TMEM71: variants seen among roughly 807,000 people sequenced by gnomAD.
TMEM71 encodes transmembrane protein 71.
In TMEM71, 44 loss-of-function variants were observed where a neutral mutation model predicts 38.0. The observed-to-expected ratio is 1.16, with a 90% confidence interval of 0.91 to 1.49. The LOEUF (loss-of-function observed/expected upper bound fraction) is 1.49. TMEM71 is among the 40% of genes most tolerant of loss of function. The probability of loss-of-function intolerance (pLI) is 0.00; values close to 1 mark genes in which losing one functional copy is unlikely to be tolerated. For missense variants in TMEM71, 367 were observed against 348.6 expected, an observed-to-expected ratio of 1.05 and a Z score of -0.42; for synonymous variants, 133 against 122.5, an observed-to-expected ratio of 1.09 and a Z score of -0.56.
intron 1 of TMEM71, 112 bp from the exon 2 acceptor site, chr8:132,759,027 C>T: frequency 1.5e-6 from 1 of 660,098 alleles, no homozygotes; most frequent in East Asian, 2.7e-5. Flanking sequence ...TGAAATAATA[C>T]AGAGATACAG....
At chr8:132,746,827 A>G (rs1470841981) in intron 5 of TMEM71, 115 bp downstream of exon 5, 1 of 788,992 alleles carries the variant, frequency 1.3e-6, no homozygotes, top group Non-Finnish European at 1.9e-6. Flanking sequence ...AATGTGGCCC[A>G]TCTCTCCATC....
intron 5 of TMEM71, among the ~76,000 whole-genome samples, chr8:132,745,437 A>C (rs1285833995): frequency 6.6e-6 from 1 of 152,214 alleles, no homozygotes; most frequent in Non-Finnish European, 1.5e-5. Context: ...GTTCATCATC[A>C]CTAATCATAG....
At chr8:132,723,385 T>C (rs1348541719) in intron 6 of TMEM71, among the ~76,000 whole-genome samples, 3 of 151,210 alleles carry the variant, frequency 2.0e-5, no homozygotes, top group African/African-American at 7.3e-5. Context: ...GGTTTAGATT[T>C]GAGATCTACA....
chr8:132,729,364 C>A (rs1228581567), intron 5 of TMEM71, among the ~76,000 whole-genome samples: 3 of 152,272 alleles, frequency 2.0e-5, no homozygotes, highest in Admixed American at 2.0e-4. Flanking sequence ...CATAAATGTA[C>A]CTAGGAATTC....
At chr8:132,746,865 A>T in intron 5 of TMEM71, 77 bp downstream of exon 5, 1 of 1,222,244 alleles carries the variant, frequency 8.2e-7, no homozygotes, top group Non-Finnish European at 1.1e-6. Context: ...TGGAACTGAC[A>T]TTGGTTGAGG....
At chr8:132,766,433 T>G in the TMEM71 span, among the ~76,000 whole-genome samples, 1 of 151,812 alleles carries the variant, frequency 6.6e-6, no homozygotes, top group East Asian at 1.9e-4. Flanking sequence ...GAACTGGGAA[T>G]TGTTGTATAA....
the TMEM71 span, chr8:132,775,625 T>G: frequency 5.8e-6 from 2 of 342,476 alleles, no homozygotes; most frequent in Non-Finnish European, 1.1e-5. Context: ...CCGGCTGCTG[T>G]GCAGAGAGGA....
intron 4 of TMEM71, among the ~76,000 whole-genome samples, chr8:132,747,328 A>G (rs913918109): frequency 2.0e-5 from 3 of 152,222 alleles, no homozygotes; most frequent in Non-Finnish European, 4.4e-5. Context: ...AAAGTTCACA[A>G]TGTATTATAG....
intron 5 of TMEM71, among the ~76,000 whole-genome samples, chr8:132,739,133 A>T (rs1171637283): frequency 6.6e-6 from 1 of 152,208 alleles, no homozygotes; most frequent in Admixed American, 6.5e-5. Context: ...ATTATTATAC[A>T]CTTAAGTTAA....
chr8:132,707,044 G>A (rs984322404), downstream of TMEM71, among the ~76,000 whole-genome samples: 5 of 152,142 alleles, frequency 3.3e-5, no homozygotes, highest in Admixed American at 1.3e-4. Context: ...ACAGACATGC[G>A]ATCAGCAAAA....
chr8:132,767,212 C>T, the TMEM71 span, among the ~76,000 whole-genome samples: 2 of 152,152 alleles, frequency 1.3e-5, no homozygotes, highest in Admixed American at 6.5e-5. Context: ...TTACTCTCCT[C>T]GGCCTCCTCT....
At chr8:132,743,883 C>T (rs1828190777) in intron 5 of TMEM71, among the ~76,000 whole-genome samples, 1 of 152,202 alleles carries the variant, frequency 6.6e-6, no homozygotes, top group Admixed American at 6.5e-5. Flanking sequence ...TTTTTGTCTC[C>T]TCAGCACAGA....
rs185495258 is a variant in TMEM71 at position 132,734,309 on chromosome 8, T to C, written c.488-6323A>G. Among the ~76,000 whole-genome samples, 14 of 152,114 alleles carry C rather than the reference T, an allele frequency of 9.2e-5. No homozygotes were observed. In the East Asian group the frequency reaches 2.7e-3, roughly 29 times the overall value. On this transcript the variant is annotated intron_variant, in intron 5 of 9. Transcript: ENST00000677595. The stretch of plus-strand genomic sequence containing the variant: ...AAGTCATAAAATTGTACACATGAAA[T>C]ATGTGCAGTTCTCTGTATAGCAATT...
At chr8:132,708,466 T>C (rs193075055), downstream of TMEM71, among the ~76,000 whole-genome samples, 5 of 152,326 alleles carry the variant, frequency 3.3e-5, no homozygotes, top group African/African-American at 9.6e-5. Flanking sequence ...TCTATCACCA[T>C]GTAATGACAT....
intron 3 of TMEM71, among the ~76,000 whole-genome samples, chr8:132,756,197 T>C (rs1828993499): frequency 2.0e-5 from 3 of 151,888 alleles, no homozygotes; most frequent in Non-Finnish European, 2.9e-5. Flanking sequence ...TTCCTTGTAG[T>C]ACTTCAAGAA....
At chr8:132,737,777 T>C (rs1277022888) in intron 5 of TMEM71, among the ~76,000 whole-genome samples, 1 of 152,230 alleles carries the variant, frequency 6.6e-6, no homozygotes, top group African/African-American at 2.4e-5. Flanking sequence ...CCTGAATTCC[T>C]TTCTTACCGC....
intron 5 of TMEM71, among the ~76,000 whole-genome samples, chr8:132,746,703 A>G (rs1461195151): frequency 6.6e-6 from 1 of 152,012 alleles, no homozygotes; most frequent in Non-Finnish European, 1.5e-5. Context: ...ATATTTTCCC[A>G]GCATTATCAA....
upstream of TMEM71, among the ~76,000 whole-genome samples, chr8:132,763,815 G>T (rs1296483943): frequency 1.3e-5 from 2 of 152,196 alleles, no homozygotes; most frequent in Non-Finnish European, 2.9e-5. Context: ...CAGCTCCCAC[G>T]TAAAGCCAAA....
chr8:132,709,636 T>G (rs1313603514), downstream of TMEM71, among the ~76,000 whole-genome samples: 1 of 151,986 alleles, frequency 6.6e-6, no homozygotes, highest in Non-Finnish European at 1.5e-5. Context: ...CAGAGTGGTG[T>G]GCTTTGGAGG....
Sources: gnomAD v4.1 joint callset for allele counts (sites outside exome capture counted in the v4.1 genomes callset) on GRCh38, gnomAD v4.1.1 for gene constraint, MANE v1.5 for transcripts, NCBI Gene and HGNC (gene_info 2026-07-23, HGNC 2026-07-21) for gene names.